Variants in DTNB observed in about 807,000 individuals in gnomAD.
DTNB encodes DTN-B.
Under a neutral mutation model 90.7 loss-of-function variants are expected in DTNB, and 63 were observed. The ratio of observed to expected loss-of-function variants is 0.69; its 90% CI spans 0.57 to 0.86. The LOEUF (loss-of-function observed/expected upper bound fraction) is 0.86. Among genes scored for constraint, DTNB ranks in the 40% least tolerant of loss-of-function variants. The pLI is 0.00. For synonymous variants in DTNB, 277 were observed against 286.7 expected (o/e 0.97, Z 0.34); for missense variants, 744 against 807.1 (o/e 0.92, Z 0.95).
chr2:25,518,998 T>C lies in DTNB; in HGVS notation c.1001+12475A>G, dbSNP rs139638958. Among the ~76,000 whole-genome samples, 15 of 152,182 alleles carry C rather than the reference T, an allele frequency of 9.9e-5. No individual in the cohort carries two copies. In the South Asian group the frequency reaches 1.9e-3, roughly 19 times the overall value. On this transcript the variant is annotated intron_variant, in intron 9 of 20. Transcript: ENST00000406818. ...ACTCTTCTTTTACCAAAAAGACAAA[T>C]TGAATAGACCCCAAGGTGCCTAATG...
At chr2:25,518,431 G>A (rs2075539316) in intron 9 of DTNB, among the ~76,000 whole-genome samples, 1 of 152,036 alleles carries the variant, frequency 6.6e-6, no homozygotes, top group Non-Finnish European at 1.5e-5. Context: ...ATTACATAAT[G>A]CTGTTTCTCC....
intron 19 of DTNB, among the ~76,000 whole-genome samples, chr2:25,383,145 T>C (rs531686779): frequency 1.3e-5 from 2 of 152,162 alleles, no homozygotes; most frequent in South Asian, 4.1e-4. Flanking sequence ...ATTATACTTA[T>C]ATGCTGAAAG....
At chr2:25,658,515 G>A (rs2082517220) in intron 1 of DTNB, among the ~76,000 whole-genome samples, 1 of 152,196 alleles carries the variant, frequency 6.6e-6, no homozygotes, top group South Asian at 2.1e-4. Flanking sequence ...TGGAAGCAAT[G>A]ATGATGCCCT....
At chr2:25,623,529 C>T (rs962542877) in intron 4 of DTNB, among the ~76,000 whole-genome samples, 3 of 152,098 alleles carry the variant, frequency 2.0e-5, no homozygotes, top group African/African-American at 4.8e-5. Context: ...TAAAGGTAAT[C>T]GTGTCCAGAA....
chr2:25,410,235 T>TATGAA (rs1463321857), intron 16 of DTNB, among the ~76,000 whole-genome samples: 3 of 152,148 alleles, frequency 2.0e-5, no homozygotes, highest in African/African-American at 7.2e-5. Flanking sequence ...GCTGTGTGCA[T>TATGAA]TCTGGTCAGG....
At chr2:25,439,477 G>C (rs1431588382) in intron 12 of DTNB, among the ~76,000 whole-genome samples, 5 of 152,198 alleles carry the variant, frequency 3.3e-5, no homozygotes, top group Non-Finnish European at 7.3e-5. Context: ...ACTCCAGTCT[G>C]AGTGACAGAG....
intron 9 of DTNB, among the ~76,000 whole-genome samples, chr2:25,493,132 A>G (rs1019244311): frequency 2.6e-5 from 4 of 152,172 alleles, no homozygotes; most frequent in Non-Finnish European, 5.9e-5. Flanking sequence ...GCATTTGGGA[A>G]TCTTGAGCAG....
chr2:25,556,170 C>CTTTTTTTT lies in DTNB; in HGVS notation c.876+20660_876+20667dup. Among the ~76,000 whole-genome samples, 159 of 105,550 alleles carry CTTTTTTTT rather than the reference C, an allele frequency of 1.5e-3. 5 individuals are homozygous for CTTTTTTTT. Among genetic ancestry groups the CTTTTTTTT allele is most frequent in the East Asian group, 4.1e-3 (13 of 3,170 alleles). The allele number at this position is 105,550 out of a possible 152,430, so 69.2% of individuals were successfully genotyped here. A position where few individuals can be genotyped will look rare whatever the true frequency, so the allele number is the denominator to read the frequency against. On this transcript the variant is annotated intron_variant, in intron 8 of 20. Coordinates refer to ENST00000406818, the MANE Select transcript of DTNB (RefSeq NM_021907.5). ...ATGTTTTGGTGTTTTGGCCATCTCT[C>CTTTTTTTT]TTTTTTTTTTTTTTTTTTTTTGCCA...
chr2:25,445,277 T>C (rs1201352580), intron 12 of DTNB, among the ~76,000 whole-genome samples: 4 of 152,252 alleles, frequency 2.6e-5, no homozygotes, highest in Non-Finnish European at 4.4e-5. Context: ...ACTGAGGGCA[T>C]GTCTGAGGTT....
At chr2:25,386,141 CAA>C (rs1206099653) in intron 18 of DTNB, 4 of 982,600 alleles carry the variant, frequency 4.1e-6, no homozygotes, top group Admixed American at 6.2e-5. Context: ...CACCATCAAA[CAA>C]GAGAGGCAGC....
intron 4 of DTNB, among the ~76,000 whole-genome samples, chr2:25,608,181 G>GT (rs2067562481): frequency 6.6e-6 from 1 of 152,136 alleles, no homozygotes; most frequent in African/African-American, 2.4e-5. Context: ...ATGTTTCATT[G>GT]TAACTTAGAG....
intron 8 of DTNB, among the ~76,000 whole-genome samples, chr2:25,551,949 T>C (rs2056361077): frequency 6.6e-6 from 1 of 152,258 alleles, no homozygotes; most frequent in African/African-American, 2.4e-5. Flanking sequence ...CTATAAACCC[T>C]GTTAATCAGC....
chr2:25,578,803 G>A (rs552466038), intron 7 of DTNB, among the ~76,000 whole-genome samples: 77 of 152,142 alleles, frequency 5.1e-4, no homozygotes, highest in Non-Finnish European at 7.8e-4. Context: ...TTTTGCTTAA[G>A]TGAATATTTC....
intron 5 of DTNB, among the ~76,000 whole-genome samples, chr2:25,606,559 T>C (rs1281754087): frequency 6.6e-6 from 1 of 152,204 alleles, no homozygotes; most frequent in African/African-American, 2.4e-5. Flanking sequence ...GTAAAGCACC[T>C]AGCACAATTC....
intron 3 of DTNB, among the ~76,000 whole-genome samples, chr2:25,636,107 C>T (rs2077072499): frequency 6.6e-6 from 1 of 151,628 alleles, no homozygotes; most frequent in Non-Finnish European, 1.5e-5. Flanking sequence ...GTTTAGTGAC[C>T]CTTTCAATAA....
chr2:25,545,172 G>A (rs1360243934), intron 8 of DTNB, among the ~76,000 whole-genome samples: 1 of 152,092 alleles, frequency 6.6e-6, no homozygotes, highest in African/African-American at 2.4e-5. Flanking sequence ...CCTCCATTGA[G>A]CTTAACTTTA....
chr2:25,643,576 C>G (rs1209847839), intron 2 of DTNB, among the ~76,000 whole-genome samples: 2 of 152,162 alleles, frequency 1.3e-5, no homozygotes, highest in Non-Finnish European at 2.9e-5. Context: ...GAATTTTGGA[C>G]ATTAGCAAAG....
At chr2:25,621,580 C>T (rs1258130931) in intron 4 of DTNB, among the ~76,000 whole-genome samples, 2 of 147,366 alleles carry the variant, frequency 1.4e-5, no homozygotes, top group Non-Finnish European at 1.5e-5. Flanking sequence ...CCTAGGATTA[C>T]AGGCATGCAC....
At chr2:25,392,606 C>A (rs987588885) in intron 16 of DTNB, among the ~76,000 whole-genome samples, 2 of 152,104 alleles carry the variant, frequency 1.3e-5, no homozygotes, top group African/African-American at 4.8e-5. Context: ...TTTAAAGTTA[C>A]CATGAACACC....
Sources: gnomAD v4.1 joint callset for allele counts (sites outside exome capture counted in the v4.1 genomes callset) on GRCh38, gnomAD v4.1.1 for gene constraint, MANE v1.5 for transcripts, NCBI Gene and HGNC (gene_info 2026-07-23, HGNC 2026-07-21) for gene names.